DHRS7: variants seen among roughly 807,000 people sequenced by gnomAD.
DHRS7 encodes dehydrogenase/reductase 7.
Under a neutral mutation model 38.9 loss-of-function variants are expected in DHRS7, and 34 were observed. The ratio of observed to expected loss-of-function variants is 0.87; its 90% CI spans 0.66 to 1.16. The LOEUF (loss-of-function observed/expected upper bound fraction) is 1.16. Among genes scored for constraint, DHRS7 ranks in the 50% most tolerant of loss-of-function variants. The pLI is 0.00. For synonymous variants in DHRS7, 158 were observed against 153.1 expected (o/e 1.03, Z -0.24); for missense variants, 421 against 407.0 (o/e 1.03, Z -0.30).
chr14:60,156,526 A>T (rs1289848660), intron 1 of DHRS7, among the ~76,000 whole-genome samples: 2 of 152,350 alleles, frequency 1.3e-5, no homozygotes, highest in Middle Eastern at 3.4e-3. Flanking sequence ...TACAAAAATC[A>T]CTGTCTGGAC....
rs573450800 is a variant in DHRS7 at position 60,165,363 on chromosome 14, C to T, written c.-54G>A. On this transcript the variant is annotated 5_prime_UTR_variant, in exon 1 of 7. Transcript: ENST00000557185. This position sits in a 1 kb window ranked among gnomAD's most constrained non-coding sequence, Gnocchi z 4.6. ...AAGAAGACGGCCCGCACCAGAGTCGCGTCGCTGCCCTGCGGGATCGCAGCG... is the reference window on the plus strand; with the variant it reads ...AAGAAGACGGCCCGCACCAGAGTCGTGTCGCTGCCCTGCGGGATCGCAGCG... 52 of 1,535,608 alleles carry T rather than the reference C, an allele frequency of 3.4e-5. No homozygotes were observed. The highest frequency in any genetic ancestry group is 4.3e-5 in the Non-Finnish European group (49 of 1,145,408).
chr14:60,165,488 G>A (rs1293549486), upstream of DHRS7: 1 of 1,329,908 alleles, frequency 7.5e-7, no homozygotes, highest in Non-Finnish European at 9.6e-7. The surrounding 1 kb of genome is among the most constrained non-coding windows in gnomAD (Gnocchi z 4.6). Flanking sequence ...AGCACTCGCG[G>A]CCCCACTCGC....
chr14:60,158,806 G>A (rs1896707983), intron 1 of DHRS7, among the ~76,000 whole-genome samples: 1 of 152,214 alleles, frequency 6.6e-6, no homozygotes, highest in South Asian at 2.1e-4. Flanking sequence ...GGATGAGGAA[G>A]CTAATTATCT....
intron 4 of DHRS7, among the ~76,000 whole-genome samples, chr14:60,151,897 T>C (rs1313829259): frequency 1.3e-5 from 2 of 152,202 alleles, no homozygotes; most frequent in African/African-American, 4.8e-5. Flanking sequence ...GCATATCTTA[T>C]GAGACACGTG....
rs1896458799 is a variant in DHRS7 at position 60,148,357 on chromosome 14, A to G, written c.972+996T>C. ...AGTATATCAAAGGCTAACAGTAAAAACCATCCTCAGCAATAATCTTTTGCT... is the reference window on the plus strand; with the variant it reads ...AGTATATCAAAGGCTAACAGTAAAAGCCATCCTCAGCAATAATCTTTTGCT... On this transcript the variant is annotated intron_variant, in intron 6 of 6. Coordinates refer to ENST00000557185, the MANE Select transcript of DHRS7 (RefSeq NM_016029.4). The surrounding 1 kb of genome is among the most constrained non-coding windows in gnomAD (Gnocchi z 4.8). 3 of 152,182 alleles carry G rather than the reference A, an allele frequency of 2.0e-5. No individual in the cohort carries two copies. Among genetic ancestry groups the G allele is most frequent in the African/African-American group, 7.2e-5 (3 of 41,448 alleles). The allele number at this position is 152,182 out of a possible 1,614,324, so 9.4% of individuals were successfully genotyped here.
chr14:60,168,576 A>T, upstream of DHRS7: 1 of 1,267,302 alleles, frequency 7.9e-7, no homozygotes, highest in Non-Finnish European at 1.1e-6. Context: ...TAATCATTTT[A>T]AAGTAAAAAG....
intron 1 of DHRS7, chr14:60,158,851 A>G (rs1008128024): frequency 6.3e-6 from 1 of 158,140 alleles, no homozygotes; most frequent in African/African-American, 2.4e-5. Context: ...GGAAAGTCTA[A>G]TCATTCCAGG....
At position 60,153,826 on chromosome 14, in the gene DHRS7, G is replaced by T. The variant is rs1435066157; in HGVS notation, c.393+133C>A. 4.6e-6 allele frequency: 3 copies of T among 655,068 alleles called. No homozygotes were observed. Among genetic ancestry groups the T allele is most frequent in the Non-Finnish European group, 8.0e-6 (3 of 372,770 alleles). The allele number at this position is 655,068 out of a possible 1,614,324, so 40.6% of individuals were successfully genotyped here. On this transcript the variant is annotated intron_variant, in intron 3 of 6. Coordinates refer to ENST00000557185, the MANE Select transcript of DHRS7 (RefSeq NM_016029.4). The surrounding 1 kb of genome is among the most constrained non-coding windows in gnomAD (Gnocchi z 4.4). ...ATGACAAAGGCTCAGAGATTAAGGG[G>T]CCCAACTCATGGGCCCGATCTCACT...
At position 60,154,057 on chromosome 14, in the gene DHRS7, T is replaced by C; in HGVS notation, c.295A>G (p.Asn99Asp). Residue 99 changes from asparagine to aspartate, a missense_variant, in exon 3 of 7, where the codon AAT becomes GAT. Coordinates refer to ENST00000557185, the MANE Select transcript of DHRS7 (RefSeq NM_016029.4). ...RVKRRCLENG[N>D]LKEKDILVLP... ...ACAAGTATATCTTTTTCTTTTAAAT[T>C]GCCATTCTCTAAATAAAGACAAAAA... The C allele has an allele frequency of 1.9e-6, 3 of 1,613,576 alleles. No homozygotes were observed. The highest frequency in any genetic ancestry group is 2.5e-6 in the Non-Finnish European group (3 of 1,179,600).
At chr14:60,158,918 G>A (rs1782824743) in intron 1 of DHRS7, 2 of 226,644 alleles carry the variant, frequency 8.8e-6, no homozygotes, top group Admixed American at 5.6e-5. Context: ...GTAGCAGTGG[G>A]CAGTAATCCT....
intron 2 of DHRS7, 49 bp downstream of exon 2, chr14:60,155,951 G>C: frequency 2.1e-6 from 3 of 1,433,162 alleles, no homozygotes; most frequent in Non-Finnish European, 2.8e-6. Context: ...ATTTGAGTTT[G>C]GACTGATTTA....
chr14:60,168,592 A>C (rs1268465822), upstream of DHRS7: 84 of 1,405,136 alleles, frequency 6.0e-5, no homozygotes, highest in Non-Finnish European at 7.9e-5. Context: ...AAAAGTTAAA[A>C]AAATTAGGTT....
chr14:60,165,623 A>G (rs1225855568), upstream of DHRS7: 18 of 1,133,082 alleles, frequency 1.6e-5, no homozygotes, highest in African/African-American at 2.3e-4. This position sits in a 1 kb window ranked among gnomAD's most constrained non-coding sequence, Gnocchi z 4.6. Flanking sequence ...AAATAAATAA[A>G]TAAAATTCCA....
chr14:60,152,867 C>A, intron 4 of DHRS7, 72 bp downstream of exon 4: 2 of 1,556,998 alleles, frequency 1.3e-6, no homozygotes, highest in Non-Finnish European at 1.8e-6. Flanking sequence ...AAGGACCTCA[C>A]ACAGTGATGG....
At chr14:60,166,134 AC>A (rs1896864561), upstream of DHRS7, 1 of 769,314 alleles carries the variant, frequency 1.3e-6, no homozygotes, top group East Asian at 1.3e-4. Context: ...AGAGTAAAAT[AC>A]TGTTTTTGAT....
chr14:60,147,353 CA>C (rs1210427682), intron 6 of DHRS7: 9 of 152,114 alleles, frequency 5.9e-5, no homozygotes, highest in Admixed American at 5.9e-4. Context: ...TACTGTATAG[CA>C]TATTTGAAAT....
chr14:60,158,003 C>T (rs571130671), intron 1 of DHRS7, among the ~76,000 whole-genome samples: 56 of 152,088 alleles, frequency 3.7e-4, no homozygotes, highest in East Asian at 7.7e-4. Context: ...GAGGCCAAGG[C>T]GGGCAGATCA....
Position 60,145,019 on chromosome 14 carries a change from A to G in DHRS7, c.973-6T>C, listed in dbSNP as rs1429140218. 3 of 1,579,704 alleles carry G rather than the reference A, an allele frequency of 1.9e-6. No individual in the cohort carries two copies. The highest frequency in any genetic ancestry group is 2.8e-5 in the African/African-American group (2 of 72,122). The stretch of plus-strand genomic sequence containing the variant: ...AAATAAGAAGAGTCTGCATCCTGTA[A>G]AAGAGGGACAGAAACATGGATCAGT... On this transcript the variant is annotated splice_region_variant and splice_polypyrimidine_tract_variant and intron_variant, in intron 6 of 6. Transcript: ENST00000557185. The surrounding 1 kb of genome is among the most constrained non-coding windows in gnomAD (Gnocchi z 4.0).
chr14:60,147,114 T>C (rs1314069546), intron 6 of DHRS7: 2 of 152,092 alleles, frequency 1.3e-5, no homozygotes, highest in East Asian at 3.9e-4. Flanking sequence ...GCGCCTATAG[T>C]CTCAGCTACT....
Sources: gnomAD v4.1 joint callset for allele counts (sites outside exome capture counted in the v4.1 genomes callset) on GRCh38, gnomAD v4.1.1 for gene constraint, Gnocchi (gnomAD v3.1) non-coding constraint, MANE v1.5 for transcripts, NCBI Gene and HGNC (gene_info 2026-07-23, HGNC 2026-07-21) for gene names.